Variants in WDPCP observed in about 807,000 individuals in gnomAD.
The protein encoded by WDPCP is WD repeat-containing and planar cell polarity effector protein fritz homolog.
A neutral mutation model predicts 93.1 loss-of-function variants in WDPCP; 71 were observed. The ratio of observed to expected loss-of-function variants is 0.76; its 90% CI spans 0.63 to 0.93. The LOEUF (loss-of-function observed/expected upper bound fraction) is 0.93. WDPCP is among the 40% of genes least tolerant of loss of function. The pLI is 0.00. For synonymous variants in WDPCP, 315 were observed against 315.0 expected (o/e 1.00, Z 0.00); for missense variants, 844 against 887.4 (o/e 0.95, Z 0.62).
At chr2:63,661,596 A>G (rs1710226962) in intron 2 of WDPCP, among the ~76,000 whole-genome samples, 1 of 152,260 alleles carries the variant, frequency 6.6e-6, no homozygotes, top group Non-Finnish European at 1.5e-5. Context: ...AGTATCATTC[A>G]TGACATGTAT....
At chr2:63,123,989 C>G (rs1669722509) in intron 17 of WDPCP, among the ~76,000 whole-genome samples, 1 of 147,462 alleles carries the variant, frequency 6.8e-6, no homozygotes, top group African/African-American at 2.5e-5. Context: ...TTTTATTATT[C>G]CATTAAATAC....
chr2:63,379,118 T>G (rs1014012568), intron 11 of WDPCP, among the ~76,000 whole-genome samples: 2 of 152,070 alleles, frequency 1.3e-5, no homozygotes, highest in African/African-American at 4.8e-5. Context: ...AGGCAGGTTT[T>G]GATAAACTAG....
intron 2 of WDPCP, among the ~76,000 whole-genome samples, chr2:63,779,780 G>GAAAATACTGTTTAAAA (rs1243174823): frequency 6.6e-6 from 1 of 152,088 alleles, no homozygotes; most frequent in African/African-American, 2.4e-5. Flanking sequence ...CAGATGGGCT[G>GAAAATACTGTTTAAAA]AAAATACTGT....
chr2:63,132,024 T>C (rs183316909), intron 17 of WDPCP, among the ~76,000 whole-genome samples: 221 of 151,750 alleles, frequency 1.5e-3, no homozygotes, highest in African/African-American at 4.9e-3. Flanking sequence ...TTAGTAGAGA[T>C]GGGGTTTCAA....
chr2:63,575,584 CTTA>C (rs1472407537), intron 1 of WDPCP, among the ~76,000 whole-genome samples: 2 of 141,330 alleles, frequency 1.4e-5, no homozygotes, highest in Non-Finnish European at 3.1e-5. Context: ...CTAAAGATCT[CTTA>C]TTTACTATAG....
intron 1 of WDPCP, among the ~76,000 whole-genome samples, chr2:63,539,786 TATAG>T (rs1704575549): frequency 6.6e-6 from 1 of 152,236 alleles, no homozygotes; most frequent in South Asian, 2.1e-4. Context: ...TTCTATCATC[TATAG>T]ATAATCACAG....
intron 3 of WDPCP, among the ~76,000 whole-genome samples, chr2:63,609,456 T>TA (rs1709591812): frequency 6.6e-6 from 1 of 152,202 alleles, no homozygotes. Flanking sequence ...AACATGCTCT[T>TA]ACTCCTTCCT....
intron 3 of WDPCP, among the ~76,000 whole-genome samples, chr2:63,623,027 C>A (rs907780179): frequency 1.3e-4 from 20 of 152,198 alleles, no homozygotes; most frequent in African/African-American, 4.6e-4. Context: ...CCGGCGCAGC[C>A]CCGCTCAACA....
At chr2:63,673,594 A>G (rs896866457) in intron 2 of WDPCP, among the ~76,000 whole-genome samples, 2 of 152,174 alleles carry the variant, frequency 1.3e-5, no homozygotes, top group Admixed American at 6.5e-5. Flanking sequence ...TACACTCTCC[A>G]CAAGAGGTTC....
chr2:63,577,965 A>G (rs955858732), intron 1 of WDPCP, among the ~76,000 whole-genome samples: 3 of 152,226 alleles, frequency 2.0e-5, no homozygotes, highest in African/African-American at 7.2e-5. Context: ...TAAATTATAC[A>G]TTGTGGGAAG....
At chr2:63,402,542 A>G (rs576923377) in intron 10 of WDPCP, among the ~76,000 whole-genome samples, 40 of 152,364 alleles carry the variant, frequency 2.6e-4, no homozygotes, top group African/African-American at 9.6e-4. Context: ...TCAAAAGAAG[A>G]CATACATGCA....
chr2:63,365,757 C>T (rs1364532985), intron 12 of WDPCP, among the ~76,000 whole-genome samples: 1 of 152,134 alleles, frequency 6.6e-6, no homozygotes, highest in Non-Finnish European at 1.5e-5. Context: ...CACATGGTCC[C>T]ATTTACCTTA....
chr2:63,284,281 T>TC (rs369260139), intron 13 of WDPCP, among the ~76,000 whole-genome samples: 1 of 152,098 alleles, frequency 6.6e-6, no homozygotes, highest in South Asian at 2.1e-4. Context: ...CATAAAGTAG[T>TC]CCCCCCTTAC....
intron 2 of WDPCP, among the ~76,000 whole-genome samples, chr2:63,713,138 A>G (rs1415286230): frequency 1.3e-5 from 2 of 152,340 alleles, no homozygotes; most frequent in Non-Finnish European, 2.9e-5. Flanking sequence ...TATTGTCTCA[A>G]TTATACTGAC....
chr2:63,443,874 A>G (rs1697661163), intron 6 of WDPCP, among the ~76,000 whole-genome samples: 1 of 152,188 alleles, frequency 6.6e-6, no homozygotes, highest in South Asian at 2.1e-4. Flanking sequence ...GGCCTGAGCA[A>G]CAGTTTACTG....
intron 4 of WDPCP, 126 bp downstream of exon 4, chr2:63,486,416 T>C (rs868435879): frequency 1.6e-4 from 121 of 769,374 alleles, no homozygotes; most frequent in Non-Finnish European, 1.5e-5. Context: ...TATGTTTATA[T>C]TCCTAAGTAA....
chr2:63,721,922 G>C (rs903603277), intron 2 of WDPCP, among the ~76,000 whole-genome samples: 1 of 152,170 alleles, frequency 6.6e-6, no homozygotes. Context: ...GTGGAGATGG[G>C]GTTTCGCTGT....
Position 63,282,655 on chromosome 2 carries a change from T to C in WDPCP, c.1813-23246A>G, listed in dbSNP as rs923445778. ...TGTAATTTTTTTGATGATGTTACTT[T>C]ACAGCCATATACATTTTTACATAAT... On this transcript the variant is annotated intron_variant, in intron 13 of 17. Transcript: ENST00000272321. 2.6e-5 allele frequency among the ~76,000 whole-genome samples: 4 copies of C among 152,304 alleles called. No homozygotes were observed. In the East Asian group the frequency reaches 7.7e-4, roughly 29 times the overall value.
At chr2:63,595,421 A>G in intron 3 of WDPCP, 1 of 1,589,024 alleles carries the variant, frequency 6.3e-7, no homozygotes, top group East Asian at 2.2e-5. Context: ...GCTATTTGGT[A>G]GCCTATAATT....
Sources: gnomAD v4.1 joint callset for allele counts (sites outside exome capture counted in the v4.1 genomes callset) on GRCh38, gnomAD v4.1.1 for gene constraint, MANE v1.5 for transcripts, NCBI Gene and HGNC (gene_info 2026-07-23, HGNC 2026-07-21) for gene names.